ABCA7: variants seen among roughly 807,000 people sequenced by gnomAD.
ABCA7 encodes phospholipid-transporting ATPase ABCA7.
In ABCA7, 261 loss-of-function variants were observed where a neutral mutation model predicts 227.6. The observed-to-expected ratio is 1.15, with a 90% CI of 1.04 to 1.27. ABCA7 has a LOEUF of 1.27. Among genes scored for constraint, ABCA7 ranks in the 50% most tolerant of loss-of-function variants. The probability of loss-of-function intolerance (pLI) is 0.00; values close to 1 mark genes in which losing one functional copy is unlikely to be tolerated. For missense variants in ABCA7, 3,331 were observed against 2,924.5 expected, an observed-to-expected ratio of 1.14 and a Z score of -3.21; for synonymous variants, 1,488 against 1,279.7, an observed-to-expected ratio of 1.16 and a Z score of -3.47.
intron 12 of ABCA7, 114 bp downstream of exon 12, chr19:1,045,345 G>A (rs2040514724): frequency 6.5e-6 from 7 of 1,076,708 alleles, no homozygotes; most frequent in Non-Finnish European, 9.3e-6. Context: ...GATCTGGGCT[G>A]TATCAACAGT....
chr19:1,058,557 TG>T, intron 37 of ABCA7, 60 bp from the exon 38 acceptor site: 2 of 1,598,158 alleles, frequency 1.3e-6, no homozygotes, highest in Non-Finnish European at 1.7e-6. Flanking sequence ...GTGACATGGA[TG>T]GAGAAAGGGC....
At chr19:1,044,081 C>T (rs994171741) in intron 10 of ABCA7, among the ~76,000 whole-genome samples, 1 of 150,676 alleles carries the variant, frequency 6.6e-6, no homozygotes, top group East Asian at 1.9e-4. Context: ...GGACTACAGG[C>T]GCCCACCACC....
Position 1,053,870 on chromosome 19 carries a change from T to C in ABCA7, c.3472+34T>C, listed in dbSNP as rs767052594. ...ACAGCTCCCTGACCCCTGACCCCAG[T>C]CCAGAGTGGGACCAGAGGCCAGGTC... On this transcript the variant is annotated intron_variant, in intron 25 of 46. Coordinates refer to ENST00000263094, the MANE Select transcript of ABCA7 (RefSeq NM_019112.4). 5 of 1,601,730 alleles carry C rather than the reference T, an allele frequency of 3.1e-6. No individual in the cohort carries two copies. In the African/African-American group the frequency reaches 4.0e-5, roughly 13 times the overall value.
In ABCA7 at chr19:1,058,862, G is replaced by A. The variant is rs373616780; in HGVS notation, c.5322G>A (p.Glu1774=). ...RSLPLLGEED[E]DVARERERVV... is the part of the protein sequence containing the mutation. ...TGCCACTCCTGGGAGAGGAGGACGA[G>A]GATGTAGCCCGTGAACGGGAGCGGG... Residue 1774 remains glutamate (E), a synonymous_variant, in exon 39 of 47, where the codon GAG becomes GAA. Coordinates refer to ENST00000263094, the MANE Select transcript of ABCA7 (RefSeq NM_019112.4). The A allele has an allele frequency of 8.9e-6, 14 of 1,578,022 alleles. No homozygotes were observed. In the African/African-American group the frequency reaches 1.8e-4, roughly 20 times the overall value.
At chr19:1,040,766 A>G (rs4147904) in intron 1 of ABCA7, among the ~76,000 whole-genome samples, 66,928 of 152,032 alleles carry the variant, frequency 0.44, 16,146 homozygotes, top group Admixed American at 0.61. Flanking sequence ...TCGTGCCTCC[A>G]GCTGGGCAAC....
Position 1,062,187 on chromosome 19 carries a change from C to CA in ABCA7, c.5587dup (p.Ser1863LysfsTer18), listed in dbSNP as rs760529961. The CA allele has an allele frequency of 6.2e-7, 1 of 1,612,234 alleles. No individual in the cohort carries two copies. Among genetic ancestry groups the CA allele is most frequent in the South Asian group, 1.1e-5 (1 of 91,080 alleles). On this transcript the variant is annotated frameshift_variant, in exon 42 of 47. Transcript: ENST00000263094. LOFTEE classifies it high-confidence loss of function. ...CCATCCCCAGCGTGGCCCGGGAACCCAGTGCTGCGCACCTCAGCATGGGAT... is the reference window on the plus strand; with the variant it reads ...CCATCCCCAGCGTGGCCCGGGAACCCAAGTGCTGCGCACCTCAGCATGGGAT...
chr19:1,053,268 C>T (rs1424925476), intron 23 of ABCA7, 61 bp from the exon 24 acceptor site: 5 of 1,531,994 alleles, frequency 3.3e-6, no homozygotes, highest in Non-Finnish European at 3.5e-6. Context: ...TGCCTCTTCC[C>T]CAGGGAGACT....
rs765669177 is a variant in ABCA7, at chr19:1,043,471, C to T, written c.928C>T (p.Gln310Ter). The change falls in exon 9 of 47, where the codon CAG becomes TAG. Residue 310 changes from glutamine to a stop codon, truncating the protein, a stop_gained and splice_region_variant. Coordinates refer to ENST00000263094, the MANE Select transcript of ABCA7 (RefSeq NM_019112.4). LOFTEE classifies it high-confidence loss of function. ...ACCTTTTACCCGGAAGCTCATGGCC[C>T]AGGTGGGGGCAGCCTGGATGCTGGG... ...DTPFTRKLMAQVNRTFEELTL... is the reference protein window; with the variant it reads ...DTPFTRKLMA 1.2e-6 allele frequency: 2 copies of T among 1,613,186 alleles called. No homozygotes were observed. The highest frequency in any genetic ancestry group is 4.5e-5 in the East Asian group (2 of 44,884).
At chr19:1,048,348 T>G (rs1250264280) in intron 16 of ABCA7, among the ~76,000 whole-genome samples, 2 of 149,416 alleles carry the variant, frequency 1.3e-5, no homozygotes, top group African/African-American at 5.0e-5. Flanking sequence ...AAATACAAAA[T>G]TAGCTGGGTG....
In ABCA7 at chr19:1,056,216, C is replaced by T; in HGVS notation, c.4389C>T (p.His1463=). 1 of 1,601,190 alleles carries T rather than the reference C, an allele frequency of 6.2e-7. No individual in the cohort carries two copies. Among genetic ancestry groups the T allele is most frequent in the South Asian group, 1.1e-5 (1 of 89,948 alleles). The part of the protein sequence containing the change: ...RVLKNLTAWA[H]SLDAQDSLKI... Reference sequence around the variant, plus strand: ...TGAAAAACCTCACAGCCTGGGCTCACAGCCTGGATGCTCAGGACAGTCTCA... The same window carrying T: ...TGAAAAACCTCACAGCCTGGGCTCATAGCCTGGATGCTCAGGACAGTCTCA... The change falls in exon 32 of 47, where the codon CAC becomes CAT. Residue 1463 remains histidine, a synonymous_variant. Transcript: ENST00000263094. This position sits in a 1 kb window ranked among gnomAD's most constrained non-coding sequence, Gnocchi z 4.3.
chr19:1,051,016 T>G lies in ABCA7; in HGVS notation c.2648T>G (p.Leu883Arg), dbSNP rs769965187. 1.2e-6 allele frequency: 2 copies of G among 1,612,202 alleles called. No homozygotes were observed. Among genetic ancestry groups the G allele is most frequent in the Non-Finnish European group, 1.7e-6 (2 of 1,179,670 alleles). The change falls in exon 19 of 47, where the codon CTG becomes CGG. Residue 883 changes from leucine to arginine, a missense_variant. By Grantham distance (102) the Leu-to-Arg change is moderately radical. Coordinates refer to ENST00000263094, the MANE Select transcript of ABCA7 (RefSeq NM_019112.4). Reference sequence around the variant, plus strand: ...AGCATGGCCGCCATCCGGCCCCACCTGGGCGTCTGTCCTCAGTACAACGTG... The same window carrying G: ...AGCATGGCCGCCATCCGGCCCCACCGGGGCGTCTGTCCTCAGTACAACGTG... The part of the protein sequence containing the change: ...RSSMAAIRPH[L>R]GVCPQYNVLF...
chr19:1,043,863 G>A (rs1324621636), intron 10 of ABCA7, 22 bp downstream of exon 10: 5 of 1,605,484 alleles, frequency 3.1e-6, no homozygotes, highest in East Asian at 2.2e-5. Flanking sequence ...TGCTGGGGAG[G>A]TGGGATGTGG....
intron 40 of ABCA7, 67 bp from the exon 41 acceptor site, chr19:1,061,715 A>AT: frequency 1.8e-5 from 25 of 1,411,470 alleles, no homozygotes; most frequent in Non-Finnish European, 2.2e-5. Flanking sequence ...AAAAAAAAAA[A>AT]GAAATCAGAG....
At position 1,057,221 on chromosome 19, in the gene ABCA7, T is replaced by C; in HGVS notation, c.4765-93T>C. On this transcript the variant is annotated intron_variant, in intron 34 of 46. Transcript: ENST00000263094. Reference sequence around the variant, plus strand: ...TGTGGGAGACTTTGTGCCTTCCTACTCAAAAAGCAAGGAGGTCAGGGTGGG... The same window carrying C: ...TGTGGGAGACTTTGTGCCTTCCTACCCAAAAAGCAAGGAGGTCAGGGTGGG... 8 of 1,564,248 alleles carry C rather than the reference T, an allele frequency of 5.1e-6. No individual in the cohort carries two copies. The African/African-American group carries it at 5.4e-5, about 11-fold the overall frequency.
rs751238844 is a variant in ABCA7 at position 1,053,775 on chromosome 19, C to T, written c.3424-13C>T. The T allele has an allele frequency of 5.0e-6, 8 of 1,609,466 alleles. No homozygotes were observed. The highest frequency in any genetic ancestry group is 1.7e-6 in the Non-Finnish European group (2 of 1,177,188). ...TCGGTGTCCAGTCTCTGAGCCCCTG[C>T]TTGTCTCCCCAGATCTTCCTGAAGG... On this transcript the variant is annotated splice_polypyrimidine_tract_variant and intron_variant, in intron 24 of 46. Coordinates refer to ENST00000263094, the MANE Select transcript of ABCA7 (RefSeq NM_019112.4).
At position 1,054,792 on chromosome 19, in the gene ABCA7, A is replaced by C. The variant is rs2042101612; in HGVS notation, c.3864A>C (p.Pro1288=). The change falls in exon 29 of 47, where the codon CCA becomes CCC. Residue 1288 remains proline (P), a synonymous_variant. Transcript: ENST00000263094. This position sits in a 1 kb window ranked among gnomAD's most constrained non-coding sequence, Gnocchi z 4.8. The part of the protein sequence containing the change: ...AQVSFFSEDA[P]GDPGRARLLE... ...CCCTCACACACAGTGAGGACGCCCC[A>C]GGGGACCCTGGACGTGCCCGGCTGC... The C allele has an allele frequency of 1.3e-6, 2 of 1,598,900 alleles. No individual in the cohort carries two copies. The highest frequency in any genetic ancestry group is 1.7e-6 in the Non-Finnish European group (2 of 1,173,614).
At position 1,058,275 on chromosome 19, in the gene ABCA7, A is replaced by G. The variant is rs759260419; in HGVS notation, c.5149+6A>G. The G allele has an allele frequency of 1.4e-5, 22 of 1,612,728 alleles. No homozygotes were observed. The highest frequency in any genetic ancestry group is 3.3e-5 in the Admixed American group (2 of 59,924). On this transcript the variant is annotated splice_donor_region_variant and intron_variant, in intron 37 of 46. Coordinates refer to ENST00000263094, the MANE Select transcript of ABCA7 (RefSeq NM_019112.4). ...TGATGCCTTTGAGCGCTTGGGTGAGAACTTCCTGTCAGGTGGGGCCATGGC... is the reference window on the plus strand; with the variant it reads ...TGATGCCTTTGAGCGCTTGGGTGAGGACTTCCTGTCAGGTGGGGCCATGGC...
rs547493939 is a variant in ABCA7 at position 1,055,265 on chromosome 19, C to T, written c.4119C>T (p.Thr1373=). ...AGGPPPPQAV[T]GSGEVVQNLT... ...GTCCCCCTCCGCCCCAGGCAGTGAC[C>T]GGCTCTGGGGAAGTGGTTCAGAACC... The change falls in exon 30 of 47, where the codon ACC becomes ACT. Residue 1373 remains threonine, a synonymous_variant. Coordinates refer to ENST00000263094, the MANE Select transcript of ABCA7 (RefSeq NM_019112.4). 30 of 1,603,176 alleles carry T rather than the reference C, an allele frequency of 1.9e-5. No homozygotes were observed. Among genetic ancestry groups the T allele is most frequent in the Admixed American group, 8.5e-5 (5 of 58,676 alleles).
chr19:1,059,173 C>A, intron 40 of ABCA7, 88 bp downstream of exon 40: 1 of 1,424,696 alleles, frequency 7.0e-7, no homozygotes, highest in Non-Finnish European at 9.5e-7. Flanking sequence ...TGAACACCTA[C>A]TGTGTATCCA....
Sources: gnomAD v4.1 joint callset for allele counts (sites outside exome capture counted in the v4.1 genomes callset) on GRCh38, gnomAD v4.1.1 for gene constraint, Gnocchi (gnomAD v3.1) non-coding constraint, MANE v1.5 for transcripts, NCBI Gene and HGNC (gene_info 2026-07-23, HGNC 2026-07-21) for gene names.